SHLD1: variants seen among roughly 807,000 people sequenced by gnomAD.
SHLD1 encodes shieldin complex subunit 1, also known as RINN1-REV7-interacting novel NHEJ regulator 3.
In SHLD1, 3 loss-of-function variants were observed where a neutral mutation model predicts 5.5. That is an observed-to-expected ratio of 0.54 (90% confidence interval 0.25 to 1.40). SHLD1 has a LOEUF of 1.40. Among genes scored for constraint, SHLD1 ranks in the 40% most tolerant of loss-of-function variants. The pLI, the probability that SHLD1 is intolerant of heterozygous loss-of-function variation, is 0.15. For missense variants in SHLD1, 210 were observed against 244.4 expected (o/e 0.86, Z 0.94); for synonymous variants, 92 against 94.3 (o/e 0.98, Z 0.14).
At chr20:5,818,358 G>A (rs942558130) in intron 2 of SHLD1, among the ~76,000 whole-genome samples, 2 of 152,186 alleles carry the variant, frequency 1.3e-5, no homozygotes, top group Non-Finnish European at 2.9e-5. Context: ...TTACAGGCGT[G>A]AGCCACTGCA....
rs2087487897 is a variant in SHLD1, at chr20:5,813,475, C to T, written c.178+40432C>T. On this transcript the variant is annotated intron_variant, in intron 2 of 2. Coordinates refer to ENST00000303142, the MANE Select transcript of SHLD1 (RefSeq NM_152504.4). ...CTGCACTCCAGCTTGGGTGACAGAGCAAGACTATGTCTCTAAATAAATAAA... is the reference window on the plus strand; with the variant it reads ...CTGCACTCCAGCTTGGGTGACAGAGTAAGACTATGTCTCTAAATAAATAAA... Among the ~76,000 whole-genome samples the T allele has an allele frequency of 2.0e-5, 3 of 152,010 alleles. No homozygotes were observed. In the South Asian group the frequency reaches 6.2e-4, roughly 32 times the overall value.
At chr20:5,829,881 G>A (rs1243089638) in intron 2 of SHLD1, among the ~76,000 whole-genome samples, 5 of 147,936 alleles carry the variant, frequency 3.4e-5, no homozygotes, top group Non-Finnish European at 4.5e-5. Context: ...TCTTCTTTAG[G>A]AAAAAAAAAC....
chr20:5,795,849 G>A (rs1210529974), intron 2 of SHLD1, among the ~76,000 whole-genome samples: 1 of 151,730 alleles, frequency 6.6e-6, no homozygotes, highest in East Asian at 1.9e-4. Context: ...GCCGGGTTTG[G>A]TGGCGGGCAC....
At chr20:5,752,856 G>A (rs187125090) in intron 1 of SHLD1, among the ~76,000 whole-genome samples, 10 of 152,102 alleles carry the variant, frequency 6.6e-5, no homozygotes, top group East Asian at 5.8e-4. Flanking sequence ...GTGCAGTGGC[G>A]CAGTCTCAGC....
In SHLD1 at chr20:5,855,701, C is replaced by G. The variant is rs974642250; in HGVS notation, c.179-7323C>G. ...AACCACATTTTATTTATCCATTTAT[C>G]TGTTGATAGCTGGGTTGCTTCTAAC... On this transcript the variant is annotated intron_variant, in intron 2 of 2. Coordinates refer to ENST00000303142, the MANE Select transcript of SHLD1 (RefSeq NM_152504.4). The surrounding 1 kb of genome is among the most constrained non-coding windows in gnomAD (Gnocchi z 4.4). 1.3e-5 allele frequency among the ~76,000 whole-genome samples: 2 copies of G among 152,174 alleles called. No individual in the cohort carries two copies. Among genetic ancestry groups the G allele is most frequent in the African/African-American group, 4.8e-5 (2 of 41,438 alleles).
At chr20:5,850,704 G>T (rs904802008) in intron 2 of SHLD1, among the ~76,000 whole-genome samples, 2 of 151,974 alleles carry the variant, frequency 1.3e-5, no homozygotes, top group African/African-American at 2.4e-5. Flanking sequence ...AGAGACGAGG[G>T]TTTCACCATG....
rs1417826532 is a variant in SHLD1, at chr20:5,855,950, C to A, written c.179-7074C>A. The stretch of plus-strand genomic sequence containing the variant: ...CAGTCACTGCTGATTTCCCCATACT[C>A]TTTTTCCTCTGCTATAGTCACTAGG... On this transcript the variant is annotated intron_variant, in intron 2 of 2. Coordinates refer to ENST00000303142, the MANE Select transcript of SHLD1 (RefSeq NM_152504.4). The surrounding 1 kb of genome is among the most constrained non-coding windows in gnomAD (Gnocchi z 4.4). 3.3e-5 allele frequency among the ~76,000 whole-genome samples: 5 copies of A among 152,180 alleles called. No individual in the cohort carries two copies. The highest frequency in any genetic ancestry group is 1.2e-4 in the African/African-American group (5 of 41,436).
intron 2 of SHLD1, among the ~76,000 whole-genome samples, chr20:5,774,398 T>C (rs1985332548): frequency 6.6e-6 from 1 of 152,230 alleles, no homozygotes; most frequent in Admixed American, 6.5e-5. Flanking sequence ...TCTGCTGATT[T>C]TCAGGACACA....
intron 2 of SHLD1, among the ~76,000 whole-genome samples, chr20:5,774,076 C>T (rs886692044): frequency 2.6e-5 from 4 of 151,912 alleles, no homozygotes; most frequent in East Asian, 1.9e-4. Context: ...TGGTGGCGGG[C>T]GCCTGTAATA....
At chr20:5,854,006 ATT>A (rs758512977) in intron 2 of SHLD1, among the ~76,000 whole-genome samples, 21 of 137,696 alleles carry the variant, frequency 1.5e-4, no homozygotes, top group East Asian at 2.1e-4. Flanking sequence ...TGCTCAGCTA[ATT>A]TTTTTTTTTT....
At chr20:5,786,070 T>C (rs1485211761) in intron 2 of SHLD1, among the ~76,000 whole-genome samples, 2 of 152,162 alleles carry the variant, frequency 1.3e-5, no homozygotes, top group African/African-American at 2.4e-5. Context: ...TGAAGGTCTC[T>C]GCAGCAGCCT....
intron 2 of SHLD1, among the ~76,000 whole-genome samples, chr20:5,851,440 A>G (rs2088007626): frequency 6.6e-6 from 1 of 151,858 alleles, no homozygotes; most frequent in African/African-American, 2.4e-5. Flanking sequence ...ACAGTGATCT[A>G]TGATCATGCC....
chr20:5,762,757 G>A (rs562517363), intron 1 of SHLD1, among the ~76,000 whole-genome samples: 126 of 151,510 alleles, frequency 8.3e-4, no homozygotes, highest in Non-Finnish European at 1.3e-3. Context: ...GGTGGGTCAC[G>A]AGGTTAGGAA....
chr20:5,806,050 A>G lies in SHLD1; in HGVS notation c.178+33007A>G, dbSNP rs955685368. 6.6e-6 allele frequency among the ~76,000 whole-genome samples: 1 copy of G among 152,120 alleles called. No individual in the cohort carries two copies. Among genetic ancestry groups the G allele is most frequent in the Non-Finnish European group, 1.5e-5 (1 of 68,028 alleles). On this transcript the variant is annotated intron_variant, in intron 2 of 2. Coordinates refer to ENST00000303142, the MANE Select transcript of SHLD1 (RefSeq NM_152504.4). The surrounding 1 kb of genome is among the most constrained non-coding windows in gnomAD (Gnocchi z 7.6). ...ATTTAAATTTTTAAATATTTTTTAG[A>G]GATGCGGCCTTGCTCTGTTGCCCAG...
intron 2 of SHLD1, among the ~76,000 whole-genome samples, chr20:5,804,625 G>A (rs2087348190): frequency 6.6e-6 from 1 of 152,290 alleles, no homozygotes; most frequent in Admixed American, 6.5e-5. Context: ...ACTTGATGAA[G>A]GTGGCCGTCA....
chr20:5,860,313 T>C (rs1627363), intron 2 of SHLD1, among the ~76,000 whole-genome samples: 111,932 of 152,106 alleles, frequency 0.74, 41,430 homozygotes, highest in African/African-American at 0.81. Context: ...AGGAAGTTTT[T>C]ACATCTATCC....
At chr20:5,798,064 G>A (rs973814805) in intron 2 of SHLD1, among the ~76,000 whole-genome samples, 4 of 152,160 alleles carry the variant, frequency 2.6e-5, no homozygotes, top group Admixed American at 2.6e-4. Flanking sequence ...ATGTGATATT[G>A]GCTGGGGCTG....
chr20:5,847,070 C>T (rs2087941324), intron 2 of SHLD1, among the ~76,000 whole-genome samples: 1 of 152,068 alleles, frequency 6.6e-6, no homozygotes, highest in African/African-American at 2.4e-5. Context: ...AAATGATAGC[C>T]ATATGAAGAT....
intron 2 of SHLD1, among the ~76,000 whole-genome samples, chr20:5,825,342 C>T (rs553868815): frequency 1.3e-5 from 2 of 152,320 alleles, no homozygotes; most frequent in South Asian, 4.1e-4. Context: ...GCTGCAGGCT[C>T]CTGGCTGACC....
Sources: allele counts gnomAD v4.1 joint callset (sites outside exome capture counted in the v4.1 genomes callset), GRCh38; gene constraint gnomAD v4.1.1; non-coding constraint Gnocchi (gnomAD v3.1); transcripts MANE v1.5; gene names NCBI Gene and HGNC (gene_info 2026-07-23, HGNC 2026-07-21).